The following GALNTL6 variants were observed in gnomAD, a reference collection of about 807,000 sequenced individuals.
GALNTL6 encodes the protein polypeptide N-acetylgalactosaminyltransferase-like 6.
Under a neutral mutation model 73.7 loss-of-function variants are expected in GALNTL6, and 46 were observed. The ratio of observed to expected loss-of-function variants is 0.62; its 90% CI spans 0.49 to 0.80. The LOEUF is 0.80. Ranked by LOEUF, GALNTL6 falls within the 30% of genes least tolerant of loss-of-function variation. The pLI is 0.00. For synonymous variants in GALNTL6, 259 were observed against 263.7 expected (o/e 0.98, Z 0.17); for missense variants, 604 against 755.0 (o/e 0.80, Z 2.34).
At chr4:172,802,955 T>G (rs1740737062) in intron 5 of GALNTL6, among the ~76,000 whole-genome samples, 1 of 152,224 alleles carries the variant, frequency 6.6e-6, no homozygotes, top group African/African-American at 2.4e-5. Context: ...GACTTACGTT[T>G]TTAGACGAAT....
At chr4:172,855,098 T>C (rs1744053326) in intron 7 of GALNTL6, among the ~76,000 whole-genome samples, 1 of 151,854 alleles carries the variant, frequency 6.6e-6, no homozygotes, top group Non-Finnish European at 1.5e-5. Context: ...AGCAAAGCTA[T>C]GTTTTATTTA....
At chr4:172,848,110 C>T (rs1649720389) in intron 7 of GALNTL6, among the ~76,000 whole-genome samples, 1 of 152,118 alleles carries the variant, frequency 6.6e-6, no homozygotes, top group African/African-American at 2.4e-5. Context: ...ATTGACATAT[C>T]CTACAAATGA....
chr4:171,869,902 C>T (rs115464669), intron 2 of GALNTL6, among the ~76,000 whole-genome samples: 1,794 of 152,180 alleles, frequency 0.012, 27 homozygotes, highest in Middle Eastern at 0.068. Flanking sequence ...CATGGAACTA[C>T]GAGTCCATTA....
intron 5 of GALNTL6, among the ~76,000 whole-genome samples, chr4:172,442,187 C>T (rs1731860058): frequency 6.6e-6 from 1 of 152,178 alleles, no homozygotes; most frequent in East Asian, 1.9e-4. Context: ...TCAGTATTCA[C>T]TGATTCAGTG....
chr4:172,541,050 T>C (rs1055665676), intron 5 of GALNTL6, among the ~76,000 whole-genome samples: 1 of 152,196 alleles, frequency 6.6e-6, no homozygotes, highest in African/African-American at 2.4e-5. Flanking sequence ...TCAAAATCTG[T>C]CAAAGAAAGA....
At chr4:172,304,378 C>T (rs916583227) in intron 3 of GALNTL6, among the ~76,000 whole-genome samples, 3 of 150,212 alleles carry the variant, frequency 2.0e-5, no homozygotes, top group East Asian at 3.9e-4. Flanking sequence ...GAACATTAGT[C>T]GGTTAATAGG....
chr4:172,864,352 C>G (rs960487999), intron 7 of GALNTL6, among the ~76,000 whole-genome samples: 11 of 152,084 alleles, frequency 7.2e-5, no homozygotes, highest in African/African-American at 2.7e-4. Context: ...CCTGTCCTAG[C>G]CAGAATCATA....
chr4:172,370,634 A>AG (rs1303881798), intron 5 of GALNTL6, among the ~76,000 whole-genome samples: 1 of 151,082 alleles, frequency 6.6e-6, no homozygotes, highest in African/African-American at 2.4e-5. Context: ...CCATCTCAAA[A>AG]AAAAAAAAAA....
chr4:171,996,549 GAGA>G (rs1397135405), intron 2 of GALNTL6, among the ~76,000 whole-genome samples: 1 of 151,960 alleles, frequency 6.6e-6, no homozygotes, highest in African/African-American at 2.4e-5. Context: ...TTTGTCACAG[GAGA>G]AGAATGTTAA....
intron 5 of GALNTL6, among the ~76,000 whole-genome samples, chr4:172,618,567 A>G (rs1738831955): frequency 6.6e-6 from 1 of 152,168 alleles, no homozygotes; most frequent in Non-Finnish European, 1.5e-5. Flanking sequence ...GGACCTTCCC[A>G]AACACCTGGA....
intron 5 of GALNTL6, among the ~76,000 whole-genome samples, chr4:172,383,013 C>G (rs1331323768): frequency 6.6e-6 from 1 of 152,054 alleles, no homozygotes; most frequent in African/African-American, 2.4e-5. Context: ...TTATGTAGTA[C>G]ACACTGTATT....
At chr4:172,895,381 TTG>T in intron 8 of GALNTL6, among the ~76,000 whole-genome samples, 1 of 142,462 alleles carries the variant, frequency 7.0e-6, no homozygotes, top group African/African-American at 2.8e-5. Context: ...TTTAGTGTTT[TTG>T]TTATATATAT....
intron 2 of GALNTL6, among the ~76,000 whole-genome samples, chr4:172,198,830 C>A (rs558002936): frequency 6.6e-6 from 1 of 152,304 alleles, no homozygotes; most frequent in South Asian, 2.1e-4. Context: ...TAACGTAGTG[C>A]ATGTACTAGC....
intron 2 of GALNTL6, among the ~76,000 whole-genome samples, chr4:172,179,940 T>C (rs1349352074): frequency 1.3e-5 from 2 of 152,236 alleles, no homozygotes; most frequent in Admixed American, 6.5e-5. Flanking sequence ...GAATGATTTA[T>C]AATCCTTTGT....
At chr4:172,188,186 A>G (rs77877506) in intron 2 of GALNTL6, among the ~76,000 whole-genome samples, 9,012 of 152,256 alleles carry the variant, frequency 0.059, 294 homozygotes, top group South Asian at 0.11. Context: ...AACAGGTTTG[A>G]CCATAACGCA....
chr4:172,051,539 TG>T (rs971475217), intron 2 of GALNTL6, among the ~76,000 whole-genome samples: 12 of 152,138 alleles, frequency 7.9e-5, no homozygotes, highest in East Asian at 5.8e-4. Context: ...ACCCAGTGGC[TG>T]ATCTCCTCTC....
intron 5 of GALNTL6, among the ~76,000 whole-genome samples, chr4:172,781,298 T>A (rs568567524): frequency 6.6e-6 from 1 of 152,268 alleles, no homozygotes; most frequent in South Asian, 2.1e-4. Flanking sequence ...ATCTATGAAG[T>A]AAAACTTTCG....
At position 172,813,580 on chromosome 4, in the gene GALNTL6, G is replaced by A. The variant is rs997152002; in HGVS notation, c.780G>A (p.Met260Ile). The A allele has an allele frequency of 1.2e-6, 2 of 1,612,234 alleles. No homozygotes were observed. The highest frequency in any genetic ancestry group is 1.7e-5 in the Admixed American group (1 of 59,942). The change falls in exon 7 of 13, where the codon ATG becomes ATA. Residue 260 changes from methionine (M) to isoleucine (I), a missense_variant. By Grantham distance (10) the Met-to-Ile change is conservative (BLOSUM62 1). This residue lies in a region of GALNTL6 where 179 missense variants were observed against 230.8 expected (regional missense o/e 0.78). Coordinates refer to ENST00000506823, the MANE Select transcript of GALNTL6 (RefSeq NM_001034845.3). ...ACCACAAAACCATCGTGTGTCCCATGATCGATGTCATTGACCACAATCACT... is the reference window on the plus strand; with the variant it reads ...ACCACAAAACCATCGTGTGTCCCATAATCGATGTCATTGACCACAATCACT... ...ALNHKTIVCP[M>I]IDVIDHNHFG...
intron 5 of GALNTL6, among the ~76,000 whole-genome samples, chr4:172,406,761 T>C (rs1744252406): frequency 6.6e-6 from 1 of 152,084 alleles, no homozygotes; most frequent in Non-Finnish European, 1.5e-5. Flanking sequence ...AAATTATTGC[T>C]ATAATAAATA....
Sources: allele counts gnomAD v4.1 joint callset (sites outside exome capture counted in the v4.1 genomes callset), GRCh38; gene constraint gnomAD v4.1.1; regional missense constraint gnomAD v4.1.1; transcripts MANE v1.5; gene names NCBI Gene and HGNC (gene_info 2026-07-23, HGNC 2026-07-21).